AAGAB: variants seen among roughly 807,000 people sequenced by gnomAD.
The protein encoded by AAGAB is alpha and gamma adaptin binding protein.
AAGAB carries 38 observed loss-of-function variants against 44.1 expected under a neutral mutation model. The ratio of observed to expected loss-of-function variants is 0.86; its 90% CI spans 0.67 to 1.13. The LOEUF (loss-of-function observed/expected upper bound fraction) is 1.13. Among genes scored for constraint, AAGAB ranks in the 50% most tolerant of loss-of-function variants. The pLI is 0.00. For synonymous variants in AAGAB, 131 were observed against 131.8 expected (o/e 0.99, Z 0.04); for missense variants, 450 against 373.8 (o/e 1.20, Z -1.68).
chr15:67,204,218 G>T, intron 7 of AAGAB, 70 bp from the exon 8 acceptor site: 1 of 1,091,774 alleles, frequency 9.2e-7, no homozygotes. Context: ...GAATCCTAAG[G>T]CAAATGCTAA....
intron 1 of AAGAB, among the ~76,000 whole-genome samples, chr15:67,243,355 C>T (rs930269003): frequency 6.6e-6 from 1 of 152,176 alleles, no homozygotes; most frequent in African/African-American, 2.4e-5. Context: ...AGTGTCACAT[C>T]TGATGGACAA....
At chr15:67,221,449 G>C (rs1964062698) in intron 5 of AAGAB, among the ~76,000 whole-genome samples, 1 of 152,194 alleles carries the variant, frequency 6.6e-6, no homozygotes, top group Admixed American at 6.5e-5. Flanking sequence ...ACAAGGTGCT[G>C]TTATTTAAAG....
chr15:67,203,162 A>G (rs752083125), intron 9 of AAGAB, among the ~76,000 whole-genome samples: 31 of 152,246 alleles, frequency 2.0e-4, no homozygotes, highest in Non-Finnish European at 3.8e-4. Context: ...AAAAATGCAC[A>G]TGACCTAAAT....
chr15:67,209,341 T>C, intron 6 of AAGAB, 121 bp downstream of exon 6: 1 of 904,534 alleles, frequency 1.1e-6, no homozygotes, highest in Non-Finnish European at 1.8e-6. Context: ...TTTCATCTAT[T>C]TTTAACATTC....
intron 1 of AAGAB, among the ~76,000 whole-genome samples, chr15:67,250,718 C>T (rs893943995): frequency 1.7e-4 from 26 of 152,276 alleles, no homozygotes; most frequent in African/African-American, 6.3e-4. Context: ...CCTGAGGCTT[C>T]ATTTCCCTTT....
rs187621973 is a variant in AAGAB at position 67,224,788 on chromosome 15, C to A, written c.535+7026G>T. On this transcript the variant is annotated intron_variant, in intron 5 of 9. Coordinates refer to ENST00000261880, the MANE Select transcript of AAGAB (RefSeq NM_024666.5). ...TAGAGATGAGGTTTCACCATGTTGG[C>A]CAGACTGGTCTCAAACTCCTGGCCT... Among the ~76,000 whole-genome samples the A allele has an allele frequency of 2.0e-5, 3 of 152,140 alleles. No individual in the cohort carries two copies. In the East Asian group the frequency reaches 5.8e-4, roughly 29 times the overall value.
chr15:67,240,613 T>A (rs1230506053), intron 1 of AAGAB, among the ~76,000 whole-genome samples: 1 of 152,224 alleles, frequency 6.6e-6, no homozygotes, highest in African/African-American at 2.4e-5. Flanking sequence ...TTTCCTTCAG[T>A]ATTAAGTGCA....
At chr15:67,231,676 G>A (rs545818091) in intron 5 of AAGAB, 138 bp downstream of exon 5, 77 of 664,954 alleles carry the variant, frequency 1.2e-4, no homozygotes, top group South Asian at 8.6e-4. Context: ...TACTTTTGGC[G>A]CTTCCTTCAA....
chr15:67,254,353 G>C, intron 1 of AAGAB: 10 of 1,355,802 alleles, frequency 7.4e-6, no homozygotes, highest in Non-Finnish European at 6.7e-6. Context: ...GAAGCCGAAA[G>C]GAACGCCGAA....
chr15:67,236,092 T>C, intron 3 of AAGAB, 24 bp from the exon 4 acceptor site: 2 of 1,527,208 alleles, frequency 1.3e-6, no homozygotes, highest in Non-Finnish European at 1.8e-6. Flanking sequence ...CAAAAGAATC[T>C]TCATAAGTAA....
chr15:67,243,071 T>C (rs1964640928), intron 1 of AAGAB, among the ~76,000 whole-genome samples: 1 of 152,080 alleles, frequency 6.6e-6, no homozygotes, highest in East Asian at 1.9e-4. Context: ...TTCCTCTTTT[T>C]CCTCAAGTTT....
At chr15:67,239,317 AATTTT>A (rs1391095550) in intron 1 of AAGAB, among the ~76,000 whole-genome samples, 1 of 152,224 alleles carries the variant, frequency 6.6e-6, no homozygotes, top group Non-Finnish European at 1.5e-5. Flanking sequence ...AATGATGGCT[AATTTT>A]ATTAATGTTT....
At chr15:67,248,305 C>T (rs1198597835) in intron 1 of AAGAB, among the ~76,000 whole-genome samples, 1 of 152,240 alleles carries the variant, frequency 6.6e-6, no homozygotes, top group Non-Finnish European at 1.5e-5. Flanking sequence ...TGACCATCTA[C>T]TGAATCACTC....
chr15:67,234,406 A>G (rs1158603039), intron 4 of AAGAB, among the ~76,000 whole-genome samples: 2 of 152,236 alleles, frequency 1.3e-5, no homozygotes, highest in Admixed American at 1.3e-4. Context: ...TTTAGATGAT[A>G]TAACCAGGAA....
At chr15:67,219,799 G>A (rs758791851) in intron 5 of AAGAB, among the ~76,000 whole-genome samples, 12 of 152,104 alleles carry the variant, frequency 7.9e-5, no homozygotes, top group Non-Finnish European at 1.8e-4. Context: ...ACAAGACACT[G>A]GTGGAGCCAA....
intron 5 of AAGAB, among the ~76,000 whole-genome samples, chr15:67,219,578 G>A (rs548634522): frequency 8.0e-4 from 121 of 152,136 alleles, no homozygotes; most frequent in South Asian, 1.7e-3. Flanking sequence ...AACCAAACAC[G>A]ATATGTTCTC....
intron 5 of AAGAB, chr15:67,220,450 G>A (rs1007604235): frequency 6.6e-6 from 1 of 152,146 alleles, no homozygotes; most frequent in African/African-American, 2.4e-5. Context: ...TCTTAATCAG[G>A]AGACCTATCA....
chr15:67,236,735 G>T lies in AAGAB; in HGVS notation c.159C>A (p.Tyr53Ter), dbSNP rs754075903. ...CACATAGATTGATGTCTGCTGAATA[G>T]TATTTATTATCAATGGTCCAGGGAT... ...RFYPWTIDNKYYSADINLCVV... is the reference protein window; with the variant it reads ...RFYPWTIDNK Residue 53 changes from tyrosine to a stop codon, truncating the protein, a stop_gained, in exon 2 of 10, where the codon TAC (tyrosine) becomes TAA (stop). Transcript: ENST00000261880. LOFTEE classifies it high-confidence loss of function. The T allele has an allele frequency of 6.2e-6, 10 of 1,613,188 alleles. No homozygotes were observed. Among genetic ancestry groups the T allele is most frequent in the Non-Finnish European group, 8.5e-6 (10 of 1,179,286 alleles).
At chr15:67,234,511 T>C (rs770079003) in intron 4 of AAGAB, among the ~76,000 whole-genome samples, 3 of 152,130 alleles carry the variant, frequency 2.0e-5, no homozygotes, top group Non-Finnish European at 1.5e-5. Context: ...GAATAATACA[T>C]GCAAGTAAAA....
Sources: allele counts gnomAD v4.1 joint callset (sites outside exome capture counted in the v4.1 genomes callset), GRCh38; gene constraint gnomAD v4.1.1; transcripts MANE v1.5; gene names NCBI Gene and HGNC (gene_info 2026-07-23, HGNC 2026-07-21).